SPOCK3: variants seen among roughly 807,000 people sequenced by gnomAD.
SPOCK3 encodes the protein testican-3.
A neutral mutation model predicts 56.6 loss-of-function variants in SPOCK3; 30 were observed. That is an observed-to-expected ratio of 0.53 (90% CI 0.40 to 0.72). The LOEUF is 0.72. SPOCK3 is among the 30% of genes least tolerant of loss of function. SPOCK3 has a pLI of 0.00. For synonymous variants in SPOCK3, 196 were observed against 183.3 expected (o/e 1.07, Z -0.56); for missense variants, 527 against 530.0 (o/e 0.99, Z 0.06).
At position 167,136,771 on chromosome 4, in the gene SPOCK3, T is replaced by C. The variant is rs543630613; in HGVS notation, c.190-74234A>G. Among the ~76,000 whole-genome samples the C allele has an allele frequency of 5.3e-5, 8 of 152,192 alleles. No homozygotes were observed. In the South Asian group the frequency reaches 1.7e-3, roughly 32 times the overall value. Reference sequence around the variant, plus strand: ...AAAATTTTCAAATGCTGAGGGAGTGTTAAGCAATGGAATGTATACAGAATG... The same window carrying C: ...AAAATTTTCAAATGCTGAGGGAGTGCTAAGCAATGGAATGTATACAGAATG... On this transcript the variant is annotated intron_variant, in intron 2 of 10. Coordinates refer to ENST00000357545, the MANE Select transcript of SPOCK3 (RefSeq NM_001040159.2).
intron 4 of SPOCK3, among the ~76,000 whole-genome samples, chr4:166,968,595 T>C (rs1197918418): frequency 1.3e-5 from 2 of 150,580 alleles, no homozygotes; most frequent in Non-Finnish European, 2.9e-5. Context: ...GGCATGCAGG[T>C]GCACAGAAGG....
At chr4:167,187,254 C>T (rs1391771138) in intron 2 of SPOCK3, among the ~76,000 whole-genome samples, 2 of 149,532 alleles carry the variant, frequency 1.3e-5, no homozygotes, top group Non-Finnish European at 3.0e-5. Context: ...TTTCTAGAAG[C>T]AACTTTAGGG....
intron 4 of SPOCK3, among the ~76,000 whole-genome samples, chr4:166,936,414 T>C (rs927581601): frequency 4.6e-5 from 7 of 152,114 alleles, no homozygotes; most frequent in African/African-American, 1.7e-4. Flanking sequence ...GGAAAACACT[T>C]ATGTCTAGAG....
chr4:167,211,080 T>C (rs1734825664), intron 2 of SPOCK3, among the ~76,000 whole-genome samples: 1 of 152,198 alleles, frequency 6.6e-6, no homozygotes, highest in South Asian at 2.1e-4. Context: ...TTAATATACA[T>C]AGTTGCATCA....
intron 4 of SPOCK3, among the ~76,000 whole-genome samples, chr4:166,931,429 A>G (rs1480644798): frequency 1.3e-5 from 2 of 152,172 alleles, no homozygotes; most frequent in Non-Finnish European, 2.9e-5. Flanking sequence ...AAAACAAACT[A>G]TATCACATTA....
chr4:167,135,862 C>G (rs1763077871), intron 2 of SPOCK3, among the ~76,000 whole-genome samples: 1 of 152,040 alleles, frequency 6.6e-6, no homozygotes, highest in African/African-American at 2.4e-5. Flanking sequence ...AGGTGTCATT[C>G]CACTTCCGAT....
chr4:166,990,876 G>T (rs1299589868), intron 4 of SPOCK3, among the ~76,000 whole-genome samples: 1 of 151,902 alleles, frequency 6.6e-6, no homozygotes. Context: ...ACTGGAGAGA[G>T]AAATATTTAG....
chr4:166,948,815 T>C (rs999200024), intron 4 of SPOCK3, among the ~76,000 whole-genome samples: 7 of 152,204 alleles, frequency 4.6e-5, no homozygotes, highest in Non-Finnish European at 7.4e-5. Context: ...CTGACAATTA[T>C]GTGTCTTGGA....
intron 2 of SPOCK3, among the ~76,000 whole-genome samples, chr4:167,136,193 C>G (rs1256338108): frequency 6.6e-6 from 1 of 151,962 alleles, no homozygotes; most frequent in East Asian, 1.9e-4. Context: ...ATTTGTAAGG[C>G]CTCAATGTAA....
intron 5 of SPOCK3, among the ~76,000 whole-genome samples, chr4:166,899,292 AT>A (rs879311142): frequency 0.014 from 2,058 of 145,950 alleles, 37 homozygotes; most frequent in African/African-American, 0.026. Context: ...CTATCTATCT[AT>A]CTATCTATGT....
chr4:167,160,652 T>C (rs1765216413), intron 2 of SPOCK3, among the ~76,000 whole-genome samples: 1 of 152,108 alleles, frequency 6.6e-6, no homozygotes, highest in African/African-American at 2.4e-5. Flanking sequence ...ACTACAAGGC[T>C]ACAGTAACCA....
intron 2 of SPOCK3, among the ~76,000 whole-genome samples, chr4:167,178,413 A>G (rs767351850): frequency 1.3e-5 from 2 of 152,154 alleles, no homozygotes; most frequent in Non-Finnish European, 2.9e-5. Flanking sequence ...AAAGCCTCCT[A>G]AGTGAAAATC....
chr4:167,072,363 T>G (rs979990580), intron 2 of SPOCK3, among the ~76,000 whole-genome samples: 1 of 152,152 alleles, frequency 6.6e-6, no homozygotes, highest in Non-Finnish European at 1.5e-5. Context: ...ACTGCTTTAG[T>G]GCTTACCACA....
At chr4:166,974,971 C>T (rs1439773005) in intron 4 of SPOCK3, among the ~76,000 whole-genome samples, 2 of 152,124 alleles carry the variant, frequency 1.3e-5, no homozygotes, top group Admixed American at 6.6e-5. Flanking sequence ...ATAGATTAAT[C>T]AATTAACAAT....
chr4:167,103,016 T>C (rs1399204254), intron 2 of SPOCK3, among the ~76,000 whole-genome samples: 2 of 149,212 alleles, frequency 1.3e-5, no homozygotes, highest in Non-Finnish European at 3.0e-5. Flanking sequence ...ACATCTTGAA[T>C]ATAAGCCCAC....
intron 4 of SPOCK3, among the ~76,000 whole-genome samples, chr4:166,915,607 G>C (rs1163356917): frequency 6.6e-6 from 1 of 152,088 alleles, no homozygotes; most frequent in African/African-American, 2.4e-5. Context: ...GTGTTTCTAA[G>C]AGAGAAATGA....
At chr4:167,200,453 C>G (rs1733410967) in intron 2 of SPOCK3, among the ~76,000 whole-genome samples, 1 of 151,906 alleles carries the variant, frequency 6.6e-6, no homozygotes, top group Non-Finnish European at 1.5e-5. Context: ...GAGTACTATA[C>G]TGAAAAAGCA....
chr4:166,858,994 G>A (rs1282679744), intron 6 of SPOCK3, among the ~76,000 whole-genome samples: 1 of 152,070 alleles, frequency 6.6e-6, no homozygotes, highest in Non-Finnish European at 1.5e-5. Flanking sequence ...TGTATCCCCT[G>A]GTAATGTAAT....
At chr4:167,039,334 A>G (rs1454434917) in intron 3 of SPOCK3, among the ~76,000 whole-genome samples, 1 of 152,240 alleles carries the variant, frequency 6.6e-6, no homozygotes, top group Admixed American at 6.5e-5. Flanking sequence ...TCATAAGCAC[A>G]GGAGGTTAAG....
Sources: allele counts gnomAD v4.1 joint callset (sites outside exome capture counted in the v4.1 genomes callset), GRCh38; gene constraint gnomAD v4.1.1; transcripts MANE v1.5; gene names NCBI Gene and HGNC (gene_info 2026-07-23, HGNC 2026-07-21).